PLD5: variants seen among roughly 807,000 people sequenced by gnomAD.
PLD5 encodes inactive phospholipase D5.
PLD5 carries 36 observed loss-of-function variants against 61.1 expected under a neutral mutation model. The ratio of observed to expected loss-of-function variants is 0.59; its 90% CI spans 0.45 to 0.78. The LOEUF (loss-of-function observed/expected upper bound fraction) is 0.78, where lower values mean the gene tolerates loss of function less well. Ranked by LOEUF, PLD5 falls within the 30% of genes least tolerant of loss-of-function variation. The probability of loss-of-function intolerance (pLI) is 0.00; values close to 1 mark genes in which losing one functional copy is unlikely to be tolerated. For synonymous variants in PLD5, 243 were observed against 242.8 expected (o/e 1.00, Z -0.01); for missense variants, 515 against 644.4 (o/e 0.80, Z 2.17).
At chr1:242,502,235 C>G (rs949270731) in intron 1 of PLD5, among the ~76,000 whole-genome samples, 1 of 152,194 alleles carries the variant, frequency 6.6e-6, no homozygotes, top group Non-Finnish European at 1.5e-5. Flanking sequence ...CACCGTGCCC[C>G]TCAAACTCTG....
intron 6 of PLD5, among the ~76,000 whole-genome samples, chr1:242,116,522 A>G (rs1661959035): frequency 6.6e-6 from 1 of 152,222 alleles, no homozygotes. Flanking sequence ...TCACCCAGGT[A>G]GTGAGAATAG....
intron 8 of PLD5, among the ~76,000 whole-genome samples, chr1:242,106,236 G>T (rs1359830009): frequency 6.6e-6 from 1 of 152,162 alleles, no homozygotes; most frequent in Non-Finnish European, 1.5e-5. Context: ...TTTGGTGTGT[G>T]GTGGGGAATT....
chr1:242,446,398 T>C (rs1666539431), intron 1 of PLD5, among the ~76,000 whole-genome samples: 1 of 152,004 alleles, frequency 6.6e-6, no homozygotes, highest in Non-Finnish European at 1.5e-5. Flanking sequence ...GGTAAAACCC[T>C]GTCTCTACTG....
chr1:242,313,092 C>T (rs1425637016), intron 2 of PLD5, among the ~76,000 whole-genome samples: 2 of 151,638 alleles, frequency 1.3e-5, no homozygotes, highest in Non-Finnish European at 2.9e-5. Flanking sequence ...GGATTTAGCA[C>T]AGACTTTGCA....
At chr1:242,359,106 G>T (rs1271035561) in intron 1 of PLD5, among the ~76,000 whole-genome samples, 1 of 151,946 alleles carries the variant, frequency 6.6e-6, no homozygotes, top group Admixed American at 6.6e-5. Context: ...GGTACTGCTG[G>T]CAGGTACACT....
intron 2 of PLD5, among the ~76,000 whole-genome samples, chr1:242,322,126 G>A (rs1249504974): frequency 6.6e-6 from 1 of 152,182 alleles, no homozygotes; most frequent in Non-Finnish European, 1.5e-5. Context: ...GGGTGGGGTT[G>A]GCGTGAAAGC....
chr1:242,522,018 T>C (rs1184587089), intron 1 of PLD5, among the ~76,000 whole-genome samples: 1 of 152,232 alleles, frequency 6.6e-6, no homozygotes, highest in Non-Finnish European at 1.5e-5. Flanking sequence ...GCACTTTCTT[T>C]AATATTAATT....
chr1:242,161,721 T>C (rs1272937714), intron 5 of PLD5, among the ~76,000 whole-genome samples: 1 of 152,118 alleles, frequency 6.6e-6, no homozygotes, highest in Non-Finnish European at 1.5e-5. Context: ...CTCATTTTGG[T>C]GGTGAAGATC....
chr1:242,104,297 C>CTTTTTTTTTT (rs368132707), intron 8 of PLD5, among the ~76,000 whole-genome samples: 2 of 129,572 alleles, frequency 1.5e-5, no homozygotes, highest in Non-Finnish European at 3.3e-5. Context: ...CTAGTTTTTG[C>CTTTTTTTTTT]TTTTTTTTTT....
At chr1:242,271,795 A>G (rs1284984959) in intron 3 of PLD5, among the ~76,000 whole-genome samples, 1 of 152,086 alleles carries the variant, frequency 6.6e-6, no homozygotes, top group African/African-American at 2.4e-5. Flanking sequence ...TAAGTGAGGA[A>G]CAATACGATA....
At chr1:242,423,715 C>A (rs1665268731) in intron 1 of PLD5, among the ~76,000 whole-genome samples, 1 of 152,080 alleles carries the variant, frequency 6.6e-6, no homozygotes, top group South Asian at 2.1e-4. Context: ...TATGGGAATC[C>A]CCTTATCAGA....
At chr1:242,282,506 T>C (rs1355253713) in intron 3 of PLD5, among the ~76,000 whole-genome samples, 1 of 152,322 alleles carries the variant, frequency 6.6e-6, no homozygotes, top group Admixed American at 6.5e-5. Context: ...AAAATCATAA[T>C]TTCTCGAAAT....
chr1:242,394,907 A>AT (rs1663378867), intron 1 of PLD5, among the ~76,000 whole-genome samples: 1 of 129,098 alleles, frequency 7.7e-6, no homozygotes, highest in African/African-American at 3.1e-5. Flanking sequence ...ATTATATATG[A>AT]ATATATATGT....
intron 5 of PLD5, among the ~76,000 whole-genome samples, chr1:242,179,075 A>G (rs544899390): frequency 6.6e-6 from 1 of 152,194 alleles, no homozygotes; most frequent in African/African-American, 2.4e-5. Flanking sequence ...TGCATGAGCA[A>G]TCACTTGCAG....
At chr1:242,411,636 A>G (rs1410896235) in intron 1 of PLD5, among the ~76,000 whole-genome samples, 2 of 152,184 alleles carry the variant, frequency 1.3e-5, no homozygotes, top group Admixed American at 6.5e-5. Flanking sequence ...ATTTTATAGG[A>G]TGATTTTGAC....
chr1:242,143,905 G>A lies in PLD5; in HGVS notation c.736-19240C>T, dbSNP rs527339285. On this transcript the variant is annotated intron_variant, in intron 5 of 9. Transcript: ENST00000536534. The stretch of plus-strand genomic sequence containing the variant: ...TGCCCAGGCTGGAATGCAGTGGCAC[G>A]ATCTTGGCTCACTACAACCTCCCCT... 1.6e-4 allele frequency among the ~76,000 whole-genome samples: 24 copies of A among 150,972 alleles called. 1 individual carries two copies. In the South Asian group the frequency reaches 2.9e-3, roughly 18 times the overall value.
intron 1 of PLD5, among the ~76,000 whole-genome samples, chr1:242,420,328 C>CAT (rs1438762695): frequency 6.6e-6 from 1 of 152,122 alleles, no homozygotes; most frequent in Non-Finnish European, 1.5e-5. Flanking sequence ...CCTCAATCAA[C>CAT]ATGTTCCATC....
At chr1:242,481,771 T>A (rs1667785787) in intron 1 of PLD5, among the ~76,000 whole-genome samples, 1 of 152,180 alleles carries the variant, frequency 6.6e-6, no homozygotes, top group African/African-American at 2.4e-5. Flanking sequence ...CTCAAGTGGG[T>A]CCCTGACCCC....
intron 1 of PLD5, among the ~76,000 whole-genome samples, chr1:242,351,534 T>C (rs2149224497): frequency 6.6e-6 from 1 of 152,312 alleles, no homozygotes; most frequent in South Asian, 2.1e-4. Flanking sequence ...CTCTCTTGCC[T>C]GCCCCCATGT....
Sources: gnomAD v4.1 joint callset for allele counts (sites outside exome capture counted in the v4.1 genomes callset) on GRCh38, gnomAD v4.1.1 for gene constraint, MANE v1.5 for transcripts, NCBI Gene and HGNC (gene_info 2026-07-23, HGNC 2026-07-21) for gene names.